GIMAP8: variants seen among roughly 807,000 people sequenced by gnomAD.
GIMAP8 encodes GTPase IMAP family member 8.
GIMAP8 carries 29 observed loss-of-function variants against 35.6 expected under a neutral mutation model. That is an observed-to-expected ratio of 0.81 (90% CI 0.61 to 1.11). The LOEUF (loss-of-function observed/expected upper bound fraction) is 1.11. Ranked by LOEUF, GIMAP8 falls within the 50% of genes most tolerant of loss-of-function variation. The pLI is 0.00. For synonymous variants in GIMAP8, 335 were observed against 308.7 expected (o/e 1.09, Z -0.89); for missense variants, 811 against 805.0 (o/e 1.01, Z -0.09).
chr7:150,474,526 C>T lies in GIMAP8; in HGVS notation c.1197C>T (p.Phe399=). The T allele has an allele frequency of 6.3e-7, 1 of 1,577,840 alleles. No homozygotes were observed. Among genetic ancestry groups the T allele is most frequent in the Non-Finnish European group, 8.7e-7 (1 of 1,147,606 alleles). Residue 399 remains phenylalanine (F), a synonymous_variant, in exon 4 of 5, where the codon TTC becomes TTT. Transcript: ENST00000307271. ...IQKCKNRYSA[F]NYRATGEEEQ... ...AGTGTAAAAACAGATATAGTGCCTT[C>T]AACTACCGGGCAACAGGAGAAGAAG...
Position 150,474,593 on chromosome 7 carries a change from A to G in GIMAP8, c.1264A>G (p.Met422Val), listed in dbSNP as rs1254378298. 4 of 1,612,618 alleles carry G rather than the reference A, an allele frequency of 2.5e-6. No homozygotes were observed. The South Asian group carries it at 3.3e-5, about 13-fold the overall frequency. Residue 422 changes from methionine to valine, a missense_variant, in exon 4 of 5, where the codon ATG (methionine) becomes GTG (valine). By Grantham distance (21) the Met-to-Val change is conservative. Coordinates refer to ENST00000307271, the MANE Select transcript of GIMAP8 (RefSeq NM_175571.4). ...CGAGCTCCTGGAAAAAATTGAGAGCATGGTGCATCAGAATGGGAACAAGCA... is the reference window on the plus strand; with the variant it reads ...CGAGCTCCTGGAAAAAATTGAGAGCGTGGTGCATCAGAATGGGAACAAGCA... The part of the protein sequence containing the change: ...ADELLEKIES[M>V]VHQNGNKHCV...
Position 150,467,293 on chromosome 7 carries a change from C to T in GIMAP8, c.595C>T (p.Pro199Ser). 6.2e-7 allele frequency: 1 copy of T among 1,613,824 alleles called. No homozygotes were observed. The highest frequency in any genetic ancestry group is 8.5e-7 in the Non-Finnish European group (1 of 1,179,780). ...GTCTTTGGTGAATACGAACGGAGGA[C>T]CCTATCATGTGAACTTCAAAACTGA... ...VESLVNTNGG[P>S]YHVNFKTEGS... The change falls in exon 2 of 5, where the codon CCC becomes TCC. Residue 199 changes from proline (P) to serine (S), a missense_variant. Pro to Ser is a moderately conservative substitution (Grantham distance 74). Coordinates refer to ENST00000307271, the MANE Select transcript of GIMAP8 (RefSeq NM_175571.4).
In GIMAP8 at chr7:150,472,094, C is replaced by A. The variant is rs934120715; in HGVS notation, c.682+1220C>A. On this transcript the variant is annotated intron_variant, in intron 3 of 4. Transcript: ENST00000307271. The surrounding 1 kb of genome is among the most constrained non-coding windows in gnomAD (Gnocchi z 4.1). The stretch of plus-strand genomic sequence containing the variant: ...CTTTGGCCGAGACCCCAGGAACACA[C>A]GTGTGACTGAACAAAAGTGCGTTTA... 3.0e-4 allele frequency among the ~76,000 whole-genome samples: 45 copies of A among 152,204 alleles called. No homozygotes were observed. The highest frequency in any genetic ancestry group is 4.9e-4 in the Non-Finnish European group (33 of 68,020).
Position 150,466,755 on chromosome 7 carries a change from C to A in GIMAP8, c.57C>A (p.Cys19Ter). ...TGCGGCTCCTCCTCCTGGGAAAATG[C>A]CGCTCGGGAAAAAGTGCCACAGGAA... The part of the protein sequence containing the change: ...SELRLLLLGK[C>*]RSGKSATGNA... Residue 19 changes from cysteine (C) to a stop codon, truncating the protein, a stop_gained, in exon 2 of 5, where the codon TGC (cysteine) becomes TGA (stop). Transcript: ENST00000307271. LOFTEE classifies it high-confidence loss of function. 1 of 1,614,162 alleles carries A rather than the reference C, an allele frequency of 6.2e-7. No homozygotes were observed. Among genetic ancestry groups the A allele is most frequent in the Non-Finnish European group, 8.5e-7 (1 of 1,179,994 alleles).
At chr7:150,476,723 G>A (rs75795701) in intron 4 of GIMAP8, among the ~76,000 whole-genome samples, 2,520 of 152,254 alleles carry the variant, frequency 0.017, 69 homozygotes, top group African/African-American at 0.057. Flanking sequence ...ATGTGTAGAC[G>A]GAACCCAGCT....
intron 1 of GIMAP8, among the ~76,000 whole-genome samples, chr7:150,464,151 T>C (rs1034430126): frequency 2.0e-5 from 3 of 152,148 alleles, no homozygotes; most frequent in African/African-American, 7.2e-5. Context: ...CATACAGAGT[T>C]TACATTAGCT....
chr7:150,463,768 CAGT>C (rs1470495043), intron 1 of GIMAP8, among the ~76,000 whole-genome samples: 1 of 152,150 alleles, frequency 6.6e-6, no homozygotes, highest in Admixed American at 6.5e-5. Context: ...CTATGTGGGT[CAGT>C]ACTCAGTCCT....
At position 150,452,611 on chromosome 7, in the gene GIMAP8, A is replaced by G. The variant is rs965440215; in HGVS notation, c.-29+1436A>G. Among the ~76,000 whole-genome samples the G allele has an allele frequency of 6.2e-5, 9 of 145,880 alleles. No homozygotes were observed. In the South Asian group the frequency reaches 6.4e-4, roughly 10 times the overall value. ...TGTATATATATGTATATATGTATGT[A>G]TATATGTATATATGTGTATATATGT... On this transcript the variant is annotated intron_variant, in intron 1 of 4. Coordinates refer to ENST00000307271, the MANE Select transcript of GIMAP8 (RefSeq NM_175571.4).
Position 150,467,150 on chromosome 7 carries a change from A to G in GIMAP8, c.452A>G (p.Asn151Ser). ...DDLLQDFIEK[N>S]KPLKQLVQDY... is the part of the protein sequence containing the mutation. ...TTGCTGCAAGATTTCATTGAAAAAA[A>G]CAAACCTCTCAAGCAGTTGGTTCAA... The change falls in exon 2 of 5, where the codon AAC becomes AGC. Residue 151 changes from asparagine to serine, a missense_variant. Asn to Ser is a conservative substitution (Grantham distance 46, BLOSUM62 1). Coordinates refer to ENST00000307271, the MANE Select transcript of GIMAP8 (RefSeq NM_175571.4). 6.2e-7 allele frequency: 1 copy of G among 1,614,240 alleles called. No individual in the cohort carries two copies. The highest frequency in any genetic ancestry group is 2.2e-5 in the East Asian group (1 of 44,880).
At chr7:150,459,631 T>A (rs1030314293) in intron 1 of GIMAP8, among the ~76,000 whole-genome samples, 1 of 152,228 alleles carries the variant, frequency 6.6e-6, no homozygotes, top group Non-Finnish European at 1.5e-5. Context: ...TATTGTCACG[T>A]AGCTGGTGCT....
intron 1 of GIMAP8, among the ~76,000 whole-genome samples, chr7:150,465,473 T>C (rs746342558): frequency 7.2e-5 from 11 of 152,190 alleles, no homozygotes; most frequent in Non-Finnish European, 1.3e-4. Flanking sequence ...AGTTTTGCCA[T>C]GAATTTCCAG....
At chr7:150,452,637 A>ATGTATATATG (rs1801635132) in intron 1 of GIMAP8, among the ~76,000 whole-genome samples, 2 of 141,896 alleles carry the variant, frequency 1.4e-5, no homozygotes, top group African/African-American at 5.3e-5. Flanking sequence ...GTATATATGT[A>ATGTATATATG]TATATATGTG....
intron 3 of GIMAP8, among the ~76,000 whole-genome samples, chr7:150,473,077 G>C (rs926850783): frequency 5.3e-5 from 8 of 152,178 alleles, no homozygotes; most frequent in African/African-American, 1.9e-4. Context: ...GGCCTTTGAT[G>C]CTGTGTCCAT....
intron 1 of GIMAP8, among the ~76,000 whole-genome samples, chr7:150,455,507 G>A (rs1801712157): frequency 6.6e-6 from 1 of 152,200 alleles, no homozygotes; most frequent in Non-Finnish European, 1.5e-5. Context: ...GAGAACCTAG[G>A]GATAGAACTG....
intron 4 of GIMAP8, among the ~76,000 whole-genome samples, chr7:150,476,847 T>C (rs1471634011): frequency 1.3e-5 from 2 of 152,166 alleles, no homozygotes; most frequent in African/African-American, 2.4e-5. Context: ...CAGTGCCACA[T>C]TGGTGGATGA....
At chr7:150,469,441 C>T (rs1044876653) in intron 2 of GIMAP8, among the ~76,000 whole-genome samples, 1 of 152,174 alleles carries the variant, frequency 6.6e-6, no homozygotes, top group Non-Finnish European at 1.5e-5. Flanking sequence ...CAGAAGAAAT[C>T]ATATCTGTTT....
chr7:150,475,708 T>C (rs74521423), intron 4 of GIMAP8, among the ~76,000 whole-genome samples: 3,127 of 152,276 alleles, frequency 0.021, 102 homozygotes, highest in African/African-American at 0.071. Context: ...TATTTTCTTA[T>C]TGAACCCTCC....
chr7:150,477,502 A>T lies in GIMAP8; in HGVS notation c.1720A>T (p.Asn574Tyr), dbSNP rs777555277. ...CCGGAAGGAAGACCTAGGGGCGGGG[A>T]ATTTGGAAGACTTCATGAAGAACTC... ...FTRKEDLGAG[N>Y]LEDFMKNSDN... Residue 574 changes from asparagine (N) to tyrosine (Y), a missense_variant, in exon 5 of 5, where the codon AAT becomes TAT. By Grantham distance (143) the Asn-to-Tyr change is moderately radical (BLOSUM62 -2). Coordinates refer to ENST00000307271, the MANE Select transcript of GIMAP8 (RefSeq NM_175571.4). 1.2e-6 allele frequency: 2 copies of T among 1,613,746 alleles called. No homozygotes were observed. Among genetic ancestry groups the T allele is most frequent in the Non-Finnish European group, 1.7e-6 (2 of 1,179,940 alleles).
rs1801596889 is a variant in GIMAP8 at position 150,451,119 on chromosome 7, C to A, written c.-85C>A. On this transcript the variant is annotated 5_prime_UTR_variant, in exon 1 of 5. Coordinates refer to ENST00000307271, the MANE Select transcript of GIMAP8 (RefSeq NM_175571.4). This position sits in a 1 kb window ranked among gnomAD's most constrained non-coding sequence, Gnocchi z 4.1. ...CGCTCTCCGGCCATTCTCCCCTCAC[C>A]CTCCTCACCTTCCTCACATCCTGTG... The A allele has an allele frequency of 6.6e-6, 1 of 152,342 alleles. No homozygotes were observed. Among genetic ancestry groups the A allele is most frequent in the Admixed American group, 6.5e-5 (1 of 15,286 alleles). The allele number at this position is 152,342 out of a possible 1,614,324, so 9.4% of individuals were successfully genotyped here.
Sources: allele counts gnomAD v4.1 joint callset (sites outside exome capture counted in the v4.1 genomes callset), GRCh38; gene constraint gnomAD v4.1.1; non-coding constraint Gnocchi (gnomAD v3.1); transcripts MANE v1.5; gene names NCBI Gene and HGNC (gene_info 2026-07-23, HGNC 2026-07-21).